The following PRSS27 variants were observed in gnomAD, a reference collection of about 807,000 sequenced individuals.
PRSS27 encodes serine protease 27.
Under a neutral mutation model 32.0 loss-of-function variants are expected in PRSS27, and 25 were observed. That is an observed-to-expected ratio of 0.78 (90% CI 0.57 to 1.09). The LOEUF is 1.09. Ranked by LOEUF, PRSS27 falls within the 50% of genes least tolerant of loss-of-function variation. PRSS27 has a pLI of 0.00. For missense variants in PRSS27, 401 were observed against 394.9 expected (o/e 1.02, Z -0.13); for synonymous variants, 178 against 172.2 (o/e 1.03, Z -0.26).
At chr16:2,716,887 G>A in intron 1 of PRSS27, 1 of 320,864 alleles carries the variant, frequency 3.1e-6, no homozygotes, top group Non-Finnish European at 6.0e-6. Context: ...GAAGTTTCTG[G>A]GGAGGGTCCA....
chr16:2,714,174 T>C lies in PRSS27; in HGVS notation c.399A>G (p.Pro133=), dbSNP rs772180156. The C allele has an allele frequency of 6.2e-6, 10 of 1,614,074 alleles. No individual in the cohort carries two copies. The highest frequency in any genetic ancestry group is 1.7e-5 in the Admixed American group (1 of 60,026). Residue 133 remains proline (P), a synonymous_variant, in exon 4 of 6, where the codon CCA becomes CCG. Transcript: ENST00000302641. The surrounding 1 kb of genome is among the most constrained non-coding windows in gnomAD (Gnocchi z 4.7). ...ADVALVELEA[P]VPFTNYILPV... is the part of the protein sequence containing the mutation. ...GGAGGATGTAATTGGTGAAGGGCAC[T>C]GGTGCCTCCAGCTCCACCAGGGCCA...
rs1237556863 is a variant in PRSS27, at chr16:2,712,626, C to T, written c.867G>A (p.Gln289=). ...LQFQPARLGG[Q]K ...GCTCCTGGCCCCGGGGGTCTCACTTCTGGCCGCCCAACCTCGCTGGCTGGA... is the reference window on the plus strand; with the variant it reads ...GCTCCTGGCCCCGGGGGTCTCACTTTTGGCCGCCCAACCTCGCTGGCTGGA... Residue 289 remains glutamine, a synonymous_variant, in exon 6 of 6, where the codon CAG becomes CAA. Transcript: ENST00000302641. This position sits in a 1 kb window ranked among gnomAD's most constrained non-coding sequence, Gnocchi z 4.6. 8 of 1,581,776 alleles carry T rather than the reference C, an allele frequency of 5.1e-6. No homozygotes were observed. The highest frequency in any genetic ancestry group is 6.0e-6 in the Non-Finnish European group (7 of 1,163,726).
At position 2,714,498 on chromosome 16, in the gene PRSS27, T is replaced by C. The variant is rs2067688978; in HGVS notation, c.237-162A>G. On this transcript the variant is annotated intron_variant, in intron 3 of 5. Coordinates refer to ENST00000302641, the MANE Select transcript of PRSS27 (RefSeq NM_031948.5). This position sits in a 1 kb window ranked among gnomAD's most constrained non-coding sequence, Gnocchi z 4.7. ...CAGCCAGGTGCAGCGGTGATGCGTG[T>C]TGACATTGAAGCCAGACCGCCCGAC... The C allele has an allele frequency of 8.8e-6, 7 of 797,230 alleles. No homozygotes were observed. In the South Asian group the frequency reaches 1.0e-4, roughly 12 times the overall value. 49.4% of individuals were successfully genotyped at this position (797,230 alleles called of 1,614,324 possible). A position where few individuals can be genotyped will look rare whatever the true frequency, so the allele number is the denominator to read the frequency against.
chr16:2,714,290 G>C lies in PRSS27; in HGVS notation c.283C>G (p.Leu95Val). 1 of 1,613,404 alleles carries C rather than the reference G, an allele frequency of 6.2e-7. No individual in the cohort carries two copies. The highest frequency in any genetic ancestry group is 8.5e-7 in the Non-Finnish European group (1 of 1,179,944). Reference protein sequence around the residue: ...LYQVLLGARQLVQPGPHAMYA... With the variant: ...LYQVLLGARQVVQPGPHAMYA... ...ATAGCGTGTGGTCCCGGCTGCACTA[G>C]CTGCCTTGCCCCCAGCAGGACCTGG... The change falls in exon 4 of 6, where the codon CTA becomes GTA. Residue 95 changes from leucine to valine, a missense_variant. Transcript: ENST00000302641. This position sits in a 1 kb window ranked among gnomAD's most constrained non-coding sequence, Gnocchi z 4.7.
chr16:2,713,969 T>A (rs1051910644), intron 4 of PRSS27, 96 bp downstream of exon 4: 42 of 1,323,768 alleles, frequency 3.2e-5, no homozygotes, highest in Non-Finnish European at 4.3e-5. Flanking sequence ...TGTATTAATA[T>A]AGCAACAGGA....
At chr16:2,716,559 AGCTGCAGCCTGGCCT>A in intron 1 of PRSS27, 33 bp from the exon 2 acceptor site, 2 of 1,587,022 alleles carry the variant, frequency 1.3e-6, no homozygotes. Context: ...CAGCCAGGCC[AGCTGCAGCCTGGCCT>A]GCCCTCCCCA....
Position 2,713,591 on chromosome 16 carries a change from T to G in PRSS27, c.616A>C (p.Lys206Gln). 6.2e-7 allele frequency: 1 copy of G among 1,614,204 alleles called. No homozygotes were observed. The highest frequency in any genetic ancestry group is 8.5e-7 in the Non-Finnish European group (1 of 1,180,020). ...SKDTEFGYQP[K>Q]TIKNDMLCAG... ...CACAGCATGTCATTCTTGATGGTTT[T>G]GGGTTGGTAGCCAAACTCGGTGTCT... is the stretch of plus-strand genomic sequence containing the variant. The change falls in exon 5 of 6, where the codon AAA becomes CAA. Residue 206 changes from lysine (K) to glutamine (Q), a missense_variant. Transcript: ENST00000302641.
intron 5 of PRSS27, chr16:2,713,270 T>G (rs1313418521): frequency 4.1e-6 from 2 of 485,330 alleles, no homozygotes; most frequent in Admixed American, 6.5e-5. Flanking sequence ...GGCTAATTTT[T>G]TGTATTTTTA....
chr16:2,713,388 A>C, intron 5 of PRSS27, 141 bp downstream of exon 5: 1 of 910,606 alleles, frequency 1.1e-6, no homozygotes, highest in Non-Finnish European at 1.8e-6. Flanking sequence ...GTGAGCCACC[A>C]CACCCGGCCC....
chr16:2,712,583 C>T lies in PRSS27; in HGVS notation c.*37G>A, dbSNP rs1298137365. On this transcript the variant is annotated 3_prime_UTR_variant, in exon 6 of 6. Transcript: ENST00000302641. The surrounding 1 kb of genome is among the most constrained non-coding windows in gnomAD (Gnocchi z 4.6). ...ATGGTGTGGGCGGGCAGGCTGGGTG[C>T]AGAGCTCTGCTCAAGGGGCTCCTGG... 2 of 1,543,440 alleles carry T rather than the reference C, an allele frequency of 1.3e-6. No homozygotes were observed. The highest frequency in any genetic ancestry group is 4.9e-5 in the East Asian group (2 of 41,066).
In PRSS27 at chr16:2,715,831, C is replaced by T. The variant is rs1187534206; in HGVS notation, c.123G>A (p.Thr41=). Residue 41 remains threonine (T), a synonymous_variant, in exon 3 of 6, where the codon ACG becomes ACA. Transcript: ENST00000302641. ...CTTGCCAGGGCCACTCGCCCTCCTG[C>T]GTGTCCTGCCCGCCCACCATTCGGT... ...MLNRMVGGQD[T]QEGEWPWQVS... The T allele has an allele frequency of 4.4e-6, 7 of 1,603,984 alleles. No individual in the cohort carries two copies. The highest frequency in any genetic ancestry group is 5.1e-6 in the Non-Finnish European group (6 of 1,176,746).
rs2067702179 is a variant in PRSS27, at chr16:2,716,320, C to G, written c.73+180G>C. 4.6e-6 allele frequency: 3 copies of G among 655,596 alleles called. No individual in the cohort carries two copies. In the African/African-American group the frequency reaches 5.4e-5, roughly 12 times the overall value. 40.6% of individuals were successfully genotyped at this position (655,596 alleles called of 1,614,324 possible). Reference sequence around the variant, plus strand: ...TCAAGGCTCTGTGCTGCCCGTCCTGCTCTTGTGTGGACCTTCCTCCTCCTC... The same window carrying G: ...TCAAGGCTCTGTGCTGCCCGTCCTGGTCTTGTGTGGACCTTCCTCCTCCTC... On this transcript the variant is annotated intron_variant, in intron 2 of 5. Transcript: ENST00000302641.
chr16:2,715,513 C>T (rs974158578), intron 3 of PRSS27: 23 of 512,912 alleles, frequency 4.5e-5, no homozygotes, highest in Non-Finnish European at 7.2e-5. Flanking sequence ...GAGGCACCTC[C>T]CGCGGGCGGG....
chr16:2,716,161 C>T (rs2067701156), intron 2 of PRSS27: 1 of 556,998 alleles, frequency 1.8e-6, no homozygotes, highest in Non-Finnish European at 3.2e-6. Flanking sequence ...GGGTCTTGTC[C>T]CAGGGCCTGA....
intron 1 of PRSS27, among the ~76,000 whole-genome samples, chr16:2,718,937 C>T (rs1045846404): frequency 6.6e-6 from 1 of 151,904 alleles, no homozygotes; most frequent in African/African-American, 2.4e-5. Context: ...CCTGTGGGGG[C>T]TGGAAGCAAC....
intron 5 of PRSS27, 136 bp downstream of exon 5, chr16:2,713,393 C>T (rs765970395): frequency 2.1e-5 from 20 of 947,112 alleles, no homozygotes; most frequent in Admixed American, 1.1e-4. Context: ...CCACCACACC[C>T]GGCCCTGGAA....
chr16:2,712,816 T>C lies in PRSS27; in HGVS notation c.679-2A>G. On this transcript the variant is annotated splice_acceptor_variant, in intron 5 of 5. Transcript: ENST00000302641. LOFTEE classifies it high-confidence loss of function. The surrounding 1 kb of genome is among the most constrained non-coding windows in gnomAD (Gnocchi z 4.6). ...CACCAGGGGGCCGCCCGAGTCGCCC[T>C]GCGGGGGACGCAGAGTCACCGTCAG... 21 of 1,547,042 alleles carry C rather than the reference T, an allele frequency of 1.4e-5. No individual in the cohort carries two copies. Among genetic ancestry groups the C allele is most frequent in the Non-Finnish European group, 1.8e-5 (21 of 1,144,238 alleles).
Position 2,714,096 on chromosome 16 carries a change from C to A in PRSS27, c.477G>T (p.Trp159Cys). The change falls in exon 4 of 6, where the codon TGG (tryptophan) becomes TGT (cysteine). Residue 159 changes from tryptophan (W) to cysteine (C), a missense_variant. Coordinates refer to ENST00000302641, the MANE Select transcript of PRSS27 (RefSeq NM_031948.5). This position sits in a 1 kb window ranked among gnomAD's most constrained non-coding sequence, Gnocchi z 4.7. ...SVIFETGMNC[W>C]VTGWGSPSEE... ...CACTGGGGCTGCCCCAGCCAGTGAC[C>A]CAGCAGTTCATGCCCGTCTCAAAGA... is the stretch of plus-strand genomic sequence containing the variant. The A allele has an allele frequency of 6.2e-7, 1 of 1,613,010 alleles. No individual in the cohort carries two copies. Among genetic ancestry groups the A allele is most frequent in the Non-Finnish European group, 8.5e-7 (1 of 1,179,354 alleles).
chr16:2,713,019 GT>G lies in PRSS27; in HGVS notation c.679-206del, dbSNP rs145063310. 1.2e-3 allele frequency: 687 copies of G among 551,932 alleles called. 5 individuals are homozygous for G. Among genetic ancestry groups the G allele is most frequent in the African/African-American group, 0.012 (620 of 52,836 alleles). 34.2% of individuals were successfully genotyped at this position (551,932 alleles called of 1,614,324 possible). On this transcript the variant is annotated intron_variant, in intron 5 of 5. Transcript: ENST00000302641. ...CAGATCAACTAGGGTGTGTGTGTGT[GT>G]TGAAAATGCAGTTTCTTGTGCCCCA...
Sources: allele counts gnomAD v4.1 joint callset (sites outside exome capture counted in the v4.1 genomes callset), GRCh38; gene constraint gnomAD v4.1.1; non-coding constraint Gnocchi (gnomAD v3.1); transcripts MANE v1.5; gene names NCBI Gene and HGNC (gene_info 2026-07-23, HGNC 2026-07-21).